STK39: variants seen among roughly 807,000 people sequenced by gnomAD.
STK39 encodes the protein serine/threonine kinase 39, also known as STE20/SPS1-related proline-alanine-rich protein kinase.
A neutral mutation model predicts 77.8 loss-of-function variants in STK39; 20 were observed. That is an observed-to-expected ratio of 0.26 (90% confidence interval 0.18 to 0.37). STK39 has a LOEUF of 0.37. STK39 is among the 10% of genes least tolerant of loss of function. The pLI, the probability that STK39 is intolerant of heterozygous loss-of-function variation, is 1.00. For synonymous variants in STK39, 246 were observed against 234.1 expected, an observed-to-expected ratio of 1.05 and a Z score of -0.47; for missense variants, 479 against 656.5, an observed-to-expected ratio of 0.73 and a Z score of 2.95.
intron 14 of STK39, among the ~76,000 whole-genome samples, chr2:168,054,513 CA>C (rs1230954956): frequency 6.6e-6 from 1 of 152,160 alleles, no homozygotes; most frequent in Non-Finnish European, 1.5e-5. Flanking sequence ...AGATATGCAT[CA>C]GGGACTCAAA....
At chr2:168,062,213 T>C (rs1471769970) in intron 14 of STK39, among the ~76,000 whole-genome samples, 1 of 152,178 alleles carries the variant, frequency 6.6e-6, no homozygotes, top group Non-Finnish European at 1.5e-5. Context: ...TGCTCACCAC[T>C]ACACCTCAAT....
chr2:168,159,566 A>C (rs1688518330), intron 5 of STK39, among the ~76,000 whole-genome samples: 1 of 152,214 alleles, frequency 6.6e-6, no homozygotes, highest in South Asian at 2.1e-4. Context: ...ATTATAGTGA[A>C]CACTTTAAAA....
chr2:168,142,413 T>C (rs116496437), intron 5 of STK39, among the ~76,000 whole-genome samples: 2,797 of 152,168 alleles, frequency 0.018, 105 homozygotes, highest in African/African-American at 0.064. Context: ...ATGAAATAAA[T>C]ACATATCATC....
chr2:168,030,151 A>G (rs1306679141), intron 14 of STK39, among the ~76,000 whole-genome samples: 1 of 152,144 alleles, frequency 6.6e-6, no homozygotes, highest in Non-Finnish European at 1.5e-5. Context: ...GAGGCAGGAG[A>G]ATGGCATGAA....
intron 8 of STK39, among the ~76,000 whole-genome samples, chr2:168,132,861 T>C (rs1213835611): frequency 6.6e-6 from 1 of 152,192 alleles, no homozygotes; most frequent in Non-Finnish European, 1.5e-5. Context: ...GAACAGAAAC[T>C]GCTACAGCTC....
intron 16 of STK39, among the ~76,000 whole-genome samples, chr2:168,001,284 A>C (rs1683993680): frequency 6.8e-6 from 1 of 147,722 alleles, no homozygotes; most frequent in African/African-American, 2.7e-5. Flanking sequence ...AAAAAAAAAA[A>C]ACAACAACAA....
At chr2:168,209,872 G>A (rs535651358) in intron 1 of STK39, among the ~76,000 whole-genome samples, 83 of 151,778 alleles carry the variant, frequency 5.5e-4, no homozygotes, top group African/African-American at 1.8e-3. Flanking sequence ...GGTGGCAGGC[G>A]TCTATAATCC....
chr2:168,169,628 G>A (rs965691048), intron 2 of STK39, among the ~76,000 whole-genome samples: 4 of 146,820 alleles, frequency 2.7e-5, no homozygotes, highest in African/African-American at 7.9e-5. Flanking sequence ...ACTTTGCAGT[G>A]AGCGTGTGTG....
intron 2 of STK39, among the ~76,000 whole-genome samples, chr2:168,181,161 A>T (rs1689074930): frequency 6.6e-6 from 1 of 152,176 alleles, no homozygotes; most frequent in Non-Finnish European, 1.5e-5. Context: ...TAGTGTGGGG[A>T]TAACCAATCA....
chr2:168,234,833 T>G (rs1038906829), intron 1 of STK39, among the ~76,000 whole-genome samples: 2 of 151,108 alleles, frequency 1.3e-5, no homozygotes, highest in Non-Finnish European at 2.9e-5. Flanking sequence ...TTTACTCTAT[T>G]TATTTATTCA....
intron 17 of STK39, among the ~76,000 whole-genome samples, chr2:167,959,773 G>A (rs1286551244): frequency 1.3e-5 from 2 of 152,136 alleles, no homozygotes; most frequent in African/African-American, 4.8e-5. Flanking sequence ...TTTTTACAGT[G>A]AGTGACAGTG....
At chr2:168,073,652 G>A (rs993705070) in intron 12 of STK39, among the ~76,000 whole-genome samples, 3 of 152,090 alleles carry the variant, frequency 2.0e-5, no homozygotes, top group African/African-American at 4.8e-5. Context: ...TTTCTGAGGT[G>A]CAGTCTGGCT....
At chr2:168,074,878 T>C in intron 12 of STK39, 104 bp downstream of exon 12, 2 of 1,357,676 alleles carry the variant, frequency 1.5e-6, no homozygotes, top group African/African-American at 3.0e-5. Context: ...CCTTTTTCTT[T>C]CTACTCCATG....
At chr2:168,170,632 T>C (rs1688800144) in intron 2 of STK39, among the ~76,000 whole-genome samples, 1 of 152,028 alleles carries the variant, frequency 6.6e-6, no homozygotes, top group Non-Finnish European at 1.5e-5. Context: ...AGACTTTGAG[T>C]GGCAAAGTGG....
intron 1 of STK39, among the ~76,000 whole-genome samples, chr2:168,232,712 A>G (rs1238976732): frequency 6.6e-6 from 1 of 152,142 alleles, no homozygotes; most frequent in Non-Finnish European, 1.5e-5. Context: ...GGAGTTTCAG[A>G]CCAGCCTGGC....
intron 16 of STK39, among the ~76,000 whole-genome samples, chr2:167,995,053 T>A (rs951662373): frequency 6.6e-6 from 1 of 151,462 alleles, no homozygotes; most frequent in African/African-American, 2.4e-5. Flanking sequence ...TTTCTATATA[T>A]TTGATTTCAT....
chr2:168,116,070 C>T (rs977328522), intron 10 of STK39, among the ~76,000 whole-genome samples: 1 of 152,154 alleles, frequency 6.6e-6, no homozygotes. Flanking sequence ...ATCTCAAGAG[C>T]CAAAGCTTGG....
intron 10 of STK39, among the ~76,000 whole-genome samples, chr2:168,123,540 A>G (rs1687461888): frequency 6.6e-6 from 1 of 152,142 alleles, no homozygotes; most frequent in Non-Finnish European, 1.5e-5. Flanking sequence ...CTATTTTTCT[A>G]ACTTTTTTGT....
chr2:168,229,098 G>T (rs910150739), intron 1 of STK39, among the ~76,000 whole-genome samples: 1 of 151,992 alleles, frequency 6.6e-6, no homozygotes, highest in African/African-American at 2.4e-5. Flanking sequence ...GGCCAGGCGT[G>T]GTGGCTCACA....
Sources: allele counts gnomAD v4.1 joint callset (sites outside exome capture counted in the v4.1 genomes callset), GRCh38; gene constraint gnomAD v4.1.1; transcripts MANE v1.5; gene names NCBI Gene and HGNC (gene_info 2026-07-23, HGNC 2026-07-21).